The following SLC49A3 variants were observed in gnomAD, a reference collection of about 807,000 sequenced individuals.
SLC49A3 encodes the protein solute carrier family 49 member A3.
Under a neutral mutation model 43.8 loss-of-function variants are expected in SLC49A3, and 50 were observed. That is an observed-to-expected ratio of 1.14 (90% confidence interval 0.91 to 1.45). The LOEUF (loss-of-function observed/expected upper bound fraction) is 1.45, where lower values mean the gene tolerates loss of function less well. SLC49A3 is among the 40% of genes most tolerant of loss of function. The probability of loss-of-function intolerance (pLI) is 0.00; values close to 1 mark genes in which losing one functional copy is unlikely to be tolerated. For synonymous variants in SLC49A3, 413 were observed against 352.0 expected, an observed-to-expected ratio of 1.17 and a Z score of -1.94; for missense variants, 906 against 774.1, an observed-to-expected ratio of 1.17 and a Z score of -2.02.
downstream of SLC49A3, chr4:677,816 G>A (rs952750066): frequency 1.2e-5 from 9 of 723,138 alleles, no homozygotes; most frequent in African/African-American, 1.2e-4. Flanking sequence ...GAGGCTGGGG[G>A]CCTTGCGGGG....
chr4:683,863 A>G, intron 6 of SLC49A3, 102 bp from the exon 7 acceptor site: 2 of 1,384,726 alleles, frequency 1.4e-6, no homozygotes, highest in Non-Finnish European at 1.9e-6. Flanking sequence ...TGCTGTGCCC[A>G]AGGCCCAGGC....
chr4:683,891 A>AGCGGTGCGTCTG, intron 6 of SLC49A3, 130 bp from the exon 7 acceptor site: 5 of 1,212,510 alleles, frequency 4.1e-6, no homozygotes, highest in East Asian at 2.8e-5. Flanking sequence ...CACAGCTTCC[A>AGCGGTGCGTCTG]GACGCACCGC....
chr4:683,422 G>T, intron 7 of SLC49A3, 55 bp from the exon 8 acceptor site: 1 of 1,575,012 alleles, frequency 6.3e-7, no homozygotes. Flanking sequence ...GTCAGAACTG[G>T]ACCTGGCTTC....
chr4:690,601 C>T (rs1741800271), upstream of SLC49A3, among the ~76,000 whole-genome samples: 1 of 152,236 alleles, frequency 6.6e-6, no homozygotes, highest in Non-Finnish European at 1.5e-5. Context: ...TATTGTGGAG[C>T]ACTGCCTCTG....
At chr4:683,408 G>A (rs767515112) in intron 7 of SLC49A3, 41 bp from the exon 8 acceptor site, 19 of 1,591,198 alleles carry the variant, frequency 1.2e-5, no homozygotes, top group Middle Eastern at 1.8e-4. Flanking sequence ...TGGAGGGGGT[G>A]GCAGTCAGAA....
At position 684,829 on chromosome 4, in the gene SLC49A3, C is replaced by A. The variant is rs140444703; in HGVS notation, c.613G>T (p.Val205Phe). The A allele has an allele frequency of 1.3e-5, 21 of 1,612,424 alleles. No individual in the cohort carries two copies. Among genetic ancestry groups the A allele is most frequent in the South Asian group, 4.4e-5 (4 of 91,066 alleles). ...CAGATGGTGGACAGCAGGCAGACGA[C>A]GCCAGCAGGGATGGTATAGACACCG... Reference protein sequence around the residue: ...MLGVYTIPAGVVCLLSTICLW... With the variant: ...MLGVYTIPAGFVCLLSTICLW... Residue 205 changes from valine to phenylalanine, a missense_variant, in exon 5 of 10, where the codon GTC becomes TTC. By Grantham distance (50) the Val-to-Phe change is conservative. Transcript: ENST00000322224.
Position 686,294 on chromosome 4 carries a change from C to T in SLC49A3, c.303G>A (p.Leu101=). The T allele has an allele frequency of 6.2e-7, 1 of 1,613,246 alleles. No homozygotes were observed. The highest frequency in any genetic ancestry group is 8.5e-7 in the Non-Finnish European group (1 of 1,179,996). Residue 101 remains leucine, a synonymous_variant, in exon 3 of 10, where the codon CTG becomes CTA. Coordinates refer to ENST00000322224, the MANE Select transcript of SLC49A3 (RefSeq NM_032219.4). ...DSVGLRAATI[L]GAWLNFAGSV... Reference sequence around the variant, plus strand: ...TCCCGGCAAAGTTCAGCCACGCACCCAGGATGGTCTGCGAGGAGGGGGTCG... The same window carrying T: ...TCCCGGCAAAGTTCAGCCACGCACCTAGGATGGTCTGCGAGGAGGGGGTCG...
Position 684,532 on chromosome 4 carries a change from C to T in SLC49A3, c.791G>A (p.Ser264Asn), listed in dbSNP as rs1421030412. The change falls in exon 6 of 10, where the codon AGC becomes AAC. Residue 264 changes from serine (S) to asparagine (N), a missense_variant. Physicochemically the swap from Ser to Asn is conservative, Grantham distance 46. Coordinates refer to ENST00000322224, the MANE Select transcript of SLC49A3 (RefSeq NM_032219.4). ...GATCTGCTCCAGGAGGGCTGAGAAG[C>T]TGGCAGAGATCCCGATCATTCCCCC... ...CLGGMIGISA[S>N]FSALLEQILC... The T allele has an allele frequency of 1.9e-6, 3 of 1,613,248 alleles. No homozygotes were observed. The highest frequency in any genetic ancestry group is 2.5e-6 in the Non-Finnish European group (3 of 1,179,962).
At chr4:681,674 AGCGCCGCCCCGCCCCCTCCAGCGCC>A (rs1560157823), downstream of SLC49A3, 8 of 3,388 alleles carry the variant, frequency 2.4e-3, no homozygotes, top group Non-Finnish European at 3.8e-3. Context: ...CGCCCCCTCC[AGCGCCGCCCCGCCCCCTCCAGCGCC>A]GCCCCGCCCC....
downstream of SLC49A3, chr4:679,130 G>C: frequency 1.0e-6 from 1 of 974,890 alleles, no homozygotes; most frequent in Non-Finnish European, 1.4e-6. Context: ...AATGGAGCCA[G>C]GGCCCGCGCC....
chr4:687,142 C>T (rs1374300542), intron 1 of SLC49A3, among the ~76,000 whole-genome samples: 1 of 152,256 alleles, frequency 6.6e-6, no homozygotes, highest in African/African-American at 2.4e-5. Flanking sequence ...ATTCCCCAGC[C>T]ACAGGCATTA....
chr4:686,448 T>C, intron 2 of SLC49A3, 84 bp downstream of exon 2: 1 of 1,566,168 alleles, frequency 6.4e-7, no homozygotes, highest in Non-Finnish European at 8.6e-7. Context: ...TGGGCCCCGG[T>C]CTGGGGAGGC....
intron 8 of SLC49A3, 89 bp from the exon 9 acceptor site, chr4:682,979 C>T (rs1315922419): frequency 2.4e-6 from 3 of 1,258,178 alleles, no homozygotes; most frequent in East Asian, 2.5e-5. Context: ...TCGGTGCTGT[C>T]CCTTGTGCCA....
At position 685,336 on chromosome 4, in the gene SLC49A3, CAT is replaced by C. The variant is rs1016979140; in HGVS notation, c.586-482_586-481del. On this transcript the variant is annotated intron_variant, in intron 4 of 9. Transcript: ENST00000322224. The surrounding 1 kb of genome is among the most constrained non-coding windows in gnomAD (Gnocchi z 4.3). ...ACATATGCACACATCACACAATACA[CAT>C]GGGCACAGGAACAGAGACACGCACC... is the stretch of plus-strand genomic sequence containing the variant. Among the ~76,000 whole-genome samples the C allele has an allele frequency of 2.2e-4, 33 of 152,236 alleles. 1 individual carries two copies. The highest frequency in any genetic ancestry group is 7.7e-4 in the African/African-American group (32 of 41,552).
At chr4:680,993 G>A (rs913231569), downstream of SLC49A3, 3 of 1,336,682 alleles carry the variant, frequency 2.2e-6, no homozygotes, top group East Asian at 7.5e-5. Flanking sequence ...GGAGTGCAGT[G>A]AGCGAGTACA....
downstream of SLC49A3, chr4:680,525 G>C: frequency 3.7e-6 from 6 of 1,613,488 alleles, no homozygotes; most frequent in South Asian, 4.4e-5. Flanking sequence ...ACGCCGAGGA[G>C]ACCATTCTTA....
chr4:680,026 C>T (rs965545055), downstream of SLC49A3: 6 of 1,606,100 alleles, frequency 3.7e-6, no homozygotes, highest in African/African-American at 6.7e-5. Flanking sequence ...GCGGTGAGCA[C>T]CGGTGGGGCA....
intron 3 of SLC49A3, 24 bp downstream of exon 3, chr4:686,065 G>T: frequency 6.2e-7 from 1 of 1,612,326 alleles, no homozygotes; most frequent in Non-Finnish European, 8.5e-7. Flanking sequence ...GCCCAGGCAG[G>T]CGGCCTCCCT....
At chr4:677,929 CA>C, downstream of SLC49A3, 1 of 1,602,562 alleles carries the variant, frequency 6.2e-7, no homozygotes, top group Middle Eastern at 1.7e-4. Context: ...TAGGGAGTGG[CA>C]GCCGGAGTCT....
Sources: gnomAD v4.1 joint callset for allele counts (sites outside exome capture counted in the v4.1 genomes callset) on GRCh38, gnomAD v4.1.1 for gene constraint, Gnocchi (gnomAD v3.1) non-coding constraint, MANE v1.5 for transcripts, NCBI Gene and HGNC (gene_info 2026-07-23, HGNC 2026-07-21) for gene names.